CHODL: variants seen among roughly 807,000 people sequenced by gnomAD.
CHODL encodes the protein transmembrane protein MT75.
In CHODL, 29 loss-of-function variants were observed where a neutral mutation model predicts 34.5. That is an observed-to-expected ratio of 0.84 (90% confidence interval 0.63 to 1.15). The LOEUF is 1.15. Ranked by LOEUF, CHODL falls within the 50% of genes most tolerant of loss-of-function variation. CHODL has a pLI of 0.00. For synonymous variants in CHODL, 125 were observed against 116.1 expected (o/e 1.08, Z -0.49); for missense variants, 332 against 332.5 (o/e 1.00, Z 0.01).
intron 2 of CHODL, among the ~76,000 whole-genome samples, chr21:18,029,781 A>G (rs1453995542): frequency 6.6e-6 from 1 of 152,134 alleles, no homozygotes; most frequent in African/African-American, 2.4e-5. Context: ...CAAGCCCAGG[A>G]CACTGAATCT....
chr21:18,209,486 G>A (rs947640006), intron 2 of CHODL, among the ~76,000 whole-genome samples: 55 of 152,218 alleles, frequency 3.6e-4, no homozygotes, highest in South Asian at 4.2e-4. Context: ...CCTAGAACTG[G>A]CAACCTCAAG....
chr21:17,950,676 G>C (rs560472206), intron 1 of CHODL, among the ~76,000 whole-genome samples: 2 of 152,238 alleles, frequency 1.3e-5, no homozygotes, highest in African/African-American at 4.8e-5. Context: ...TTGCGGGCTG[G>C]GTAGGCAGAG....
intron 2 of CHODL, among the ~76,000 whole-genome samples, chr21:18,059,099 A>G (rs1268947261): frequency 6.6e-6 from 1 of 152,148 alleles, no homozygotes; most frequent in Non-Finnish European, 1.5e-5. Flanking sequence ...ATTAAGGTTA[A>G]ATGAGGTTTT....
chr21:18,026,256 T>C (rs1324066788), intron 1 of CHODL, among the ~76,000 whole-genome samples: 1 of 152,204 alleles, frequency 6.6e-6, no homozygotes, highest in Non-Finnish European at 1.5e-5. Flanking sequence ...CATTTGCTAC[T>C]AAAGATCATT....
intron 4 of CHODL, among the ~76,000 whole-genome samples, chr21:18,261,026 G>T (rs912766556): frequency 6.6e-6 from 1 of 152,210 alleles, no homozygotes; most frequent in African/African-American, 2.4e-5. Flanking sequence ...GGAGTGGGAG[G>T]AAACAGCAAA....
intron 2 of CHODL, among the ~76,000 whole-genome samples, chr21:18,218,139 G>A (rs1344791835): frequency 6.6e-6 from 1 of 152,224 alleles, no homozygotes; most frequent in Non-Finnish European, 1.5e-5. Context: ...GCTCCACCAG[G>A]CAGCGCCCCA....
At chr21:18,263,177 C>T (rs954100011) in intron 5 of CHODL, among the ~76,000 whole-genome samples, 6 of 152,010 alleles carry the variant, frequency 3.9e-5, no homozygotes, top group Non-Finnish European at 7.4e-5. Context: ...TTAGTGTCCA[C>T]GGTGAATCTG....
chr21:18,143,095 T>C lies in CHODL; in HGVS notation c.-44-113414T>C, dbSNP rs144107367. Among the ~76,000 whole-genome samples, 52 of 152,316 alleles carry C rather than the reference T, an allele frequency of 3.4e-4. No homozygotes were observed. In the East Asian group the frequency reaches 6.7e-3, roughly 20 times the overall value. ...TATATTTGTTTTCTCTTTCAGTGAC[T>C]GGAACTATTGTTTTCCAGTAAATCC... On this transcript the variant is annotated intron_variant, in intron 2 of 6. Transcript: ENST00000400127.
chr21:18,036,527 C>T (rs1283890194), intron 2 of CHODL, among the ~76,000 whole-genome samples: 2 of 152,152 alleles, frequency 1.3e-5, no homozygotes, highest in African/African-American at 4.8e-5. Context: ...AGCTTCCTTT[C>T]CCTGCACTGT....
At chr21:18,008,432 G>A (rs868723934) in intron 1 of CHODL, among the ~76,000 whole-genome samples, 15 of 151,828 alleles carry the variant, frequency 9.9e-5, no homozygotes, top group African/African-American at 2.7e-4. Context: ...TCTAGAACTC[G>A]TTCATTTTGC....
intron 1 of CHODL, among the ~76,000 whole-genome samples, chr21:17,976,971 C>G (rs1042544128): frequency 6.6e-6 from 1 of 152,104 alleles, no homozygotes; most frequent in African/African-American, 2.4e-5. Flanking sequence ...ACCTTTATTG[C>G]TTTCTGCAGC....
At chr21:18,240,955 C>T (rs11088670), upstream of CHODL, among the ~76,000 whole-genome samples, 20,224 of 152,060 alleles carry the variant, frequency 0.13, 1,382 homozygotes, top group African/African-American at 0.16. Flanking sequence ...CATTATATTT[C>T]TGATATCGTT....
chr21:18,045,089 T>G (rs1179418899), intron 2 of CHODL, among the ~76,000 whole-genome samples: 2 of 151,882 alleles, frequency 1.3e-5, no homozygotes, highest in African/African-American at 4.8e-5. Flanking sequence ...GGAAAGGCCA[T>G]TTTAAATAGT....
chr21:18,000,369 G>A (rs1431349539), intron 1 of CHODL, among the ~76,000 whole-genome samples: 2 of 152,132 alleles, frequency 1.3e-5, no homozygotes, highest in South Asian at 2.1e-4. Context: ...CATAAAATAT[G>A]TAACTATGAT....
At chr21:18,026,441 A>ATTC (rs761138823) in intron 1 of CHODL, among the ~76,000 whole-genome samples, 1 of 151,974 alleles carries the variant, frequency 6.6e-6, no homozygotes, top group Non-Finnish European at 1.5e-5. Context: ...TAGGGGTTCG[A>ATTC]CAAGCTTGGA....
chr21:17,978,586 C>T (rs1193345597), intron 1 of CHODL, among the ~76,000 whole-genome samples: 16 of 151,636 alleles, frequency 1.1e-4, no homozygotes, highest in African/African-American at 3.9e-4. Context: ...GGCGTGGTGG[C>T]GGGTGCCTGT....
At chr21:17,992,622 T>G (rs2063806510) in intron 1 of CHODL, among the ~76,000 whole-genome samples, 1 of 152,006 alleles carries the variant, frequency 6.6e-6, no homozygotes, top group Admixed American at 6.6e-5. Context: ...AGTTTGCTAT[T>G]GGTGTATAGA....
intron 1 of CHODL, among the ~76,000 whole-genome samples, chr21:17,971,582 T>C (rs2063615022): frequency 6.6e-6 from 1 of 152,186 alleles, no homozygotes; most frequent in South Asian, 2.1e-4. Context: ...GATGGGTTGT[T>C]TGTTTTTTTC....
intron 2 of CHODL, among the ~76,000 whole-genome samples, chr21:18,164,583 A>G (rs1329722033): frequency 2.6e-5 from 4 of 152,166 alleles, no homozygotes; most frequent in Non-Finnish European, 4.4e-5. Context: ...TGTTTCTTCA[A>G]CTGTTGGATG....
Sources: allele counts gnomAD v4.1 joint callset (sites outside exome capture counted in the v4.1 genomes callset), GRCh38; gene constraint gnomAD v4.1.1; transcripts MANE v1.5; gene names NCBI Gene and HGNC (gene_info 2026-07-23, HGNC 2026-07-21).